The following VTI1A variants were observed in gnomAD, a reference collection of about 807,000 sequenced individuals.
VTI1A encodes vesicle transport through interaction with t-SNAREs homolog 1A.
Under a neutral mutation model 34.9 loss-of-function variants are expected in VTI1A, and 22 were observed. That is an observed-to-expected ratio of 0.63 (90% CI 0.45 to 0.90). VTI1A has a LOEUF of 0.90. Ranked by LOEUF, VTI1A falls within the 40% of genes least tolerant of loss-of-function variation. The pLI is 0.00. For missense variants in VTI1A, 268 were observed against 275.6 expected (o/e 0.97, Z 0.20); for synonymous variants, 87 against 97.3 (o/e 0.89, Z 0.62).
At chr10:112,751,475 TAAAA>T (rs11411829) in intron 7 of VTI1A, among the ~76,000 whole-genome samples, 1 of 100,994 alleles carries the variant, frequency 9.9e-6, no homozygotes, top group African/African-American at 3.8e-5. Context: ...ATTAACTGTT[TAAAA>T]AAAAAAAAAA....
At chr10:112,829,707 T>C in the VTI1A span, among the ~76,000 whole-genome samples, 2 of 149,894 alleles carry the variant, frequency 1.3e-5, no homozygotes, top group Non-Finnish European at 3.0e-5. Flanking sequence ...TGAGCTAAGA[T>C]TGTGCCACTG....
chr10:112,464,583 C>A lies in VTI1A; in HGVS notation c.190C>A (p.Pro64Thr), dbSNP rs1169292996. The change falls in exon 3 of 8, where the codon CCC becomes ACC. Residue 64 changes from proline (P) to threonine (T), a missense_variant. By Grantham distance (38) the Pro-to-Thr change is conservative. Transcript: ENST00000393077. ...GGATTTGGAAGTCCGAGAGATACCA[C>A]CCCAAAGTCGAGGGATGTACAGCAA... ...QMDLEVREIP[P>T]QSRGMYSNRM... is the part of the protein sequence containing the mutation. The A allele has an allele frequency of 1.9e-6, 3 of 1,612,982 alleles. No individual in the cohort carries two copies. The highest frequency in any genetic ancestry group is 2.5e-6 in the Non-Finnish European group (3 of 1,179,252).
chr10:112,729,190 G>A (rs1198774544), intron 7 of VTI1A, among the ~76,000 whole-genome samples: 3 of 152,104 alleles, frequency 2.0e-5, no homozygotes. Context: ...AATAATTAAT[G>A]AAAAAGGTGT....
chr10:112,803,098 C>T (rs1458324196), intron 7 of VTI1A, among the ~76,000 whole-genome samples: 1 of 152,198 alleles, frequency 6.6e-6, no homozygotes, highest in South Asian at 2.1e-4. Flanking sequence ...GACGAAGTTT[C>T]GCTCTTGTTG....
Position 112,594,544 on chromosome 10 carries a change from T to G in VTI1A, c.427+56214T>G, listed in dbSNP as rs1844542310. Among the ~76,000 whole-genome samples the G allele has an allele frequency of 2.0e-5, 3 of 151,802 alleles. No homozygotes were observed. In the South Asian group the frequency reaches 6.3e-4, roughly 32 times the overall value. ...CAGACAAACAGAGCCAAATCATGAG[T>G]GAACTCCCATTCACAATTGCTTCAA... is the stretch of plus-strand genomic sequence containing the variant. On this transcript the variant is annotated intron_variant, in intron 5 of 7. Coordinates refer to ENST00000393077, the MANE Select transcript of VTI1A (RefSeq NM_145206.4).
intron 3 of VTI1A, among the ~76,000 whole-genome samples, chr10:112,494,517 CCTT>C (rs373016237): frequency 6.6e-5 from 10 of 152,054 alleles, no homozygotes; most frequent in African/African-American, 2.2e-4. Context: ...TTCCTTTCCT[CCTT>C]CTTTCCTCCT....
At chr10:112,458,500 A>G (rs1847617789) in intron 1 of VTI1A, among the ~76,000 whole-genome samples, 1 of 152,116 alleles carries the variant, frequency 6.6e-6, no homozygotes, top group Admixed American at 6.5e-5. Context: ...TATTTTTCTT[A>G]GGGAGAAATA....
chr10:112,583,433 C>A lies in VTI1A; in HGVS notation c.427+45103C>A, dbSNP rs982453457. ...GCATTCAGGTCTGTTGTCCTAAGCGCCTTTGTTTGTGGCTGCATTCCATGC... is the reference window on the plus strand; with the variant it reads ...GCATTCAGGTCTGTTGTCCTAAGCGACTTTGTTTGTGGCTGCATTCCATGC... On this transcript the variant is annotated intron_variant, in intron 5 of 7. Coordinates refer to ENST00000393077, the MANE Select transcript of VTI1A (RefSeq NM_145206.4). 2.0e-5 allele frequency among the ~76,000 whole-genome samples: 3 copies of A among 152,194 alleles called. No homozygotes were observed. The South Asian group carries it at 6.2e-4, about 32-fold the overall frequency.
At chr10:112,770,938 T>C (rs1183215579) in intron 7 of VTI1A, among the ~76,000 whole-genome samples, 3 of 152,092 alleles carry the variant, frequency 2.0e-5, no homozygotes, top group African/African-American at 4.8e-5. Flanking sequence ...ACAGGAGAGA[T>C]AGGACTTATC....
chr10:112,654,728 G>C (rs761383530), intron 5 of VTI1A, among the ~76,000 whole-genome samples: 55 of 152,140 alleles, frequency 3.6e-4, no homozygotes, highest in Non-Finnish European at 7.3e-4. Context: ...TGATCCTCCT[G>C]CCTCGGCCTC....
At chr10:112,465,311 A>G (rs1847859811) in intron 3 of VTI1A, among the ~76,000 whole-genome samples, 2 of 150,816 alleles carry the variant, frequency 1.3e-5, no homozygotes, top group African/African-American at 5.0e-5. Context: ...GTAATTAGAA[A>G]TTAATAGGAG....
chr10:112,723,603 A>G (rs1038195450), intron 7 of VTI1A, among the ~76,000 whole-genome samples: 1 of 152,170 alleles, frequency 6.6e-6, no homozygotes, highest in African/African-American at 2.4e-5. Flanking sequence ...CAGATGGCCC[A>G]CCCTGCTGAT....
intron 3 of VTI1A, among the ~76,000 whole-genome samples, chr10:112,494,633 C>T (rs905348353): frequency 6.6e-6 from 1 of 152,072 alleles, no homozygotes; most frequent in Non-Finnish European, 1.5e-5. Context: ...CTCAGCCTCC[C>T]GAGTAGCTGG....
At chr10:112,555,041 A>G (rs542751720) in intron 5 of VTI1A, among the ~76,000 whole-genome samples, 2 of 152,184 alleles carry the variant, frequency 1.3e-5, no homozygotes, top group East Asian at 3.9e-4. Context: ...TTCTTTTTCA[A>G]TCTAGAAAAA....
At chr10:112,853,661 G>A in the VTI1A span, among the ~76,000 whole-genome samples, 1 of 152,154 alleles carries the variant, frequency 6.6e-6, no homozygotes, top group African/African-American at 2.4e-5. Flanking sequence ...GCATTTCCTT[G>A]AGTCACACAG....
intron 7 of VTI1A, among the ~76,000 whole-genome samples, chr10:112,803,743 G>A (rs1407083194): frequency 1.3e-5 from 2 of 152,220 alleles, no homozygotes; most frequent in African/African-American, 4.8e-5. Context: ...ACCAGCCTGG[G>A]TGACAGAGTG....
chr10:112,535,395 A>T (rs770634333), intron 4 of VTI1A, among the ~76,000 whole-genome samples: 23 of 152,274 alleles, frequency 1.5e-4, no homozygotes, highest in Non-Finnish European at 2.5e-4. Flanking sequence ...CATAGAGAGA[A>T]TGTTACCCCC....
intron 7 of VTI1A, among the ~76,000 whole-genome samples, chr10:112,811,596 A>G (rs1447508064): frequency 6.8e-6 from 1 of 147,194 alleles, no homozygotes; most frequent in East Asian, 2.1e-4. Context: ...AGGCGGGAGA[A>G]TGGCGTGAGC....
At chr10:112,724,523 C>T (rs1053013735) in intron 7 of VTI1A, among the ~76,000 whole-genome samples, 2 of 151,838 alleles carry the variant, frequency 1.3e-5, no homozygotes, top group African/African-American at 4.8e-5. Context: ...AGAAAGCTGC[C>T]CTGACCTCTC....
Sources: gnomAD v4.1 joint callset for allele counts (sites outside exome capture counted in the v4.1 genomes callset) on GRCh38, gnomAD v4.1.1 for gene constraint, MANE v1.5 for transcripts, NCBI Gene and HGNC (gene_info 2026-07-23, HGNC 2026-07-21) for gene names.